The following CYREN variants were observed in gnomAD, a reference collection of about 807,000 sequenced individuals.
The protein encoded by CYREN is cell cycle regulator of non-homologous end joining.
A neutral mutation model predicts 9.7 loss-of-function variants in CYREN; 7 were observed. The ratio of observed to expected loss-of-function variants is 0.72; its 90% CI spans 0.41 to 1.36. The LOEUF (loss-of-function observed/expected upper bound fraction) is 1.36. Ranked by LOEUF, CYREN falls within the 40% of genes most tolerant of loss-of-function variation. The probability of loss-of-function intolerance (pLI) is 0.01; values close to 1 mark genes in which losing one functional copy is unlikely to be tolerated. For missense variants in CYREN, 215 were observed against 198.1 expected, an observed-to-expected ratio of 1.09 and a Z score of -0.51; for synonymous variants, 76 against 77.9, an observed-to-expected ratio of 0.98 and a Z score of 0.13.
intron 2 of CYREN, among the ~76,000 whole-genome samples, chr7:135,110,663 G>A (rs998281101): frequency 1.7e-4 from 26 of 152,288 alleles, no homozygotes; most frequent in Middle Eastern, 6.8e-3. Context: ...CATGGGTCAA[G>A]TTGTTTTCTT....
At chr7:135,110,534 G>C (rs1825477840) in intron 2 of CYREN, among the ~76,000 whole-genome samples, 1 of 152,152 alleles carries the variant, frequency 6.6e-6, no homozygotes, top group Non-Finnish European at 1.5e-5. Flanking sequence ...AGATCTGTGG[G>C]AGAAGCGTGG....
chr7:135,098,236 T>C (rs1000368839), intron 2 of CYREN, among the ~76,000 whole-genome samples: 2 of 152,188 alleles, frequency 1.3e-5, no homozygotes, highest in African/African-American at 4.8e-5. Flanking sequence ...CATGGAGGAT[T>C]GTTTCCAGGA....
chr7:135,148,421 G>C (rs1298040510), intron 2 of CYREN, among the ~76,000 whole-genome samples: 5 of 152,178 alleles, frequency 3.3e-5, no homozygotes, highest in Non-Finnish European at 5.9e-5. Context: ...CCTCGCTCAT[G>C]TCTGTATAAT....
rs1371272413 is a variant in CYREN, at chr7:135,166,767, G to A, written c.318C>T (p.Ser106=). The change falls in exon 4 of 4, where the codon AGC becomes AGT. Residue 106 remains serine (S), a synonymous_variant. Transcript: ENST00000393114. Reference sequence around the variant, plus strand: ...TCCCACTGTCCTCTTCCTCACTGCTGCTCCCAGAACTTGTGTGAGGCGACA... The same window carrying A: ...TCCCACTGTCCTCTTCCTCACTGCTACTCCCAGAACTTGTGTGAGGCGACA... ...CSVSPHTSSG[S]SSEEEDSGKQ... is the part of the protein sequence containing the mutation. 6 of 1,614,030 alleles carry A rather than the reference G, an allele frequency of 3.7e-6. No individual in the cohort carries two copies. Among genetic ancestry groups the A allele is most frequent in the Admixed American group, 1.7e-5 (1 of 60,000 alleles).
At chr7:135,157,802 C>G (rs1226849457) in intron 2 of CYREN, among the ~76,000 whole-genome samples, 1 of 152,188 alleles carries the variant, frequency 6.6e-6, no homozygotes, top group Non-Finnish European at 1.5e-5. Context: ...CTTGGTCTTC[C>G]CTGTCCCTTT....
chr7:135,130,910 T>A (rs1480360353), intron 2 of CYREN, among the ~76,000 whole-genome samples: 1 of 152,194 alleles, frequency 6.6e-6, no homozygotes, highest in Non-Finnish European at 1.5e-5. Context: ...GGTGGGTGGC[T>A]TAGAAGCAAA....
At chr7:135,164,742 C>T, downstream of CYREN, 1 of 1,614,234 alleles carries the variant, frequency 6.2e-7, no homozygotes, top group Non-Finnish European at 8.5e-7. Flanking sequence ...CCCCCAGCCT[C>T]TCCTCCTAGC....
At chr7:135,127,187 C>T (rs1827997447) in intron 2 of CYREN, among the ~76,000 whole-genome samples, 1 of 152,188 alleles carries the variant, frequency 6.6e-6, no homozygotes, top group Non-Finnish European at 1.5e-5. Context: ...AAACAGACAA[C>T]CCCATCAAAA....
intron 2 of CYREN, chr7:135,148,090 C>T (rs759982132): frequency 4.4e-5 from 20 of 456,064 alleles, no homozygotes; most frequent in South Asian, 2.2e-4. Flanking sequence ...GTTTACTAGG[C>T]ACGACTGCGA....
At chr7:135,113,370 A>C (rs1437673864) in intron 2 of CYREN, among the ~76,000 whole-genome samples, 1 of 152,190 alleles carries the variant, frequency 6.6e-6, no homozygotes, top group African/African-American at 2.4e-5. Context: ...CTCTTGTTTC[A>C]TCTGTTTTCC....
At chr7:135,132,296 A>T (rs1828880337) in intron 2 of CYREN, among the ~76,000 whole-genome samples, 1 of 152,208 alleles carries the variant, frequency 6.6e-6, no homozygotes, top group Non-Finnish European at 1.5e-5. Flanking sequence ...TTCAGCTCTA[A>T]ATAAAAAGAA....
At chr7:135,122,964 C>G (rs1303824646) in intron 2 of CYREN, among the ~76,000 whole-genome samples, 1 of 151,956 alleles carries the variant, frequency 6.6e-6, no homozygotes, top group Non-Finnish European at 1.5e-5. Context: ...CACTGAAAAC[C>G]CAAAAGGCCA....
chr7:135,102,958 CTG>C (rs1162302805), intron 2 of CYREN, among the ~76,000 whole-genome samples: 1 of 152,106 alleles, frequency 6.6e-6, no homozygotes, highest in Non-Finnish European at 1.5e-5. Context: ...TTAAAAGACA[CTG>C]TTAAGAAAAT....
At chr7:135,139,765 G>A (rs2117392781) in intron 2 of CYREN, among the ~76,000 whole-genome samples, 1 of 151,996 alleles carries the variant, frequency 6.6e-6, no homozygotes, top group South Asian at 2.1e-4. Context: ...GAAAGGAAGG[G>A]GTCCAATTTC....
At chr7:135,159,904 G>C (rs1000740115) in intron 2 of CYREN, among the ~76,000 whole-genome samples, 1 of 152,202 alleles carries the variant, frequency 6.6e-6, no homozygotes, top group African/African-American at 2.4e-5. Context: ...GGGAGGATGG[G>C]ATGAGACAGG....
intron 2 of CYREN, chr7:135,129,025 T>C: frequency 6.2e-7 from 1 of 1,608,332 alleles, no homozygotes; most frequent in South Asian, 1.1e-5. Context: ...TACTTTGAAA[T>C]CCAGATCAGA....
chr7:135,164,618 C>A, downstream of CYREN: 1 of 1,614,122 alleles, frequency 6.2e-7, no homozygotes, highest in Non-Finnish European at 8.5e-7. Context: ...ATGAGGACAC[C>A]AGCACCCTAC....
intron 2 of CYREN, among the ~76,000 whole-genome samples, chr7:135,158,476 C>A (rs919927918): frequency 6.6e-6 from 1 of 152,122 alleles, no homozygotes; most frequent in African/African-American, 2.4e-5. Flanking sequence ...GTGGAACACA[C>A]AGGATGGCCA....
intron 2 of CYREN, among the ~76,000 whole-genome samples, chr7:135,103,911 GTAT>G (rs1359916374): frequency 6.6e-6 from 1 of 151,726 alleles, no homozygotes; most frequent in Non-Finnish European, 1.5e-5. Flanking sequence ...GTTCATCATG[GTAT>G]TATTTTATTT....
Sources: gnomAD v4.1 joint callset for allele counts (sites outside exome capture counted in the v4.1 genomes callset) on GRCh38, gnomAD v4.1.1 for gene constraint, MANE v1.5 for transcripts, NCBI Gene and HGNC (gene_info 2026-07-23, HGNC 2026-07-21) for gene names.